The following GBE1 variants were observed in gnomAD, a reference collection of about 807,000 sequenced individuals.
The protein encoded by GBE1 is 1,4-alpha-glucan-branching enzyme.
Under a neutral mutation model 88.8 loss-of-function variants are expected in GBE1, and 70 were observed. The ratio of observed to expected loss-of-function variants is 0.79; its 90% confidence interval spans 0.65 to 0.96. The LOEUF is 0.96. Among genes scored for constraint, GBE1 ranks in the 40% least tolerant of loss-of-function variants. GBE1 has a pLI of 0.00. For missense variants in GBE1, 872 were observed against 871.0 expected (o/e 1.00, Z -0.01); for synonymous variants, 284 against 300.1 (o/e 0.95, Z 0.56).
In GBE1 at chr3:81,761,521, C is replaced by G; in HGVS notation, c.-4G>C. 1 of 1,603,206 alleles carries G rather than the reference C, an allele frequency of 6.2e-7. No individual in the cohort carries two copies. Among genetic ancestry groups the G allele is most frequent in the Non-Finnish European group, 8.5e-7 (1 of 1,176,528 alleles). ...CGGGAGTCATCGGAGCCGCCATATT[C>G]CGCCGCAGTCCAAGTAGCCGAGGCC... is the stretch of plus-strand genomic sequence containing the variant. On this transcript the variant is annotated 5_prime_UTR_variant, in exon 1 of 16. Transcript: ENST00000429644.
chr3:81,599,425 T>C (rs1026739305), intron 7 of GBE1, among the ~76,000 whole-genome samples: 1 of 151,864 alleles, frequency 6.6e-6, no homozygotes, highest in African/African-American at 2.4e-5. Context: ...AAAGAAAAAA[T>C]AACCCACTCT....
At chr3:81,670,779 G>A in intron 3 of GBE1, 59 bp downstream of exon 3, 1 of 889,280 alleles carries the variant, frequency 1.1e-6, no homozygotes, top group Non-Finnish European at 1.7e-6. Flanking sequence ...AATCAAACTT[G>A]GCAAACAAGA....
chr3:81,599,727 C>A (rs995310215), intron 7 of GBE1, among the ~76,000 whole-genome samples: 1 of 152,046 alleles, frequency 6.6e-6, no homozygotes, highest in South Asian at 2.1e-4. Context: ...TACACACACA[C>A]CCATGTTTTT....
chr3:81,677,320 G>T (rs2107124506), intron 2 of GBE1, among the ~76,000 whole-genome samples: 1 of 152,202 alleles, frequency 6.6e-6, no homozygotes, highest in South Asian at 2.1e-4. Flanking sequence ...ATATACAAAG[G>T]CTAATATAAA....
chr3:81,531,116 C>A (rs1033708203), intron 14 of GBE1, among the ~76,000 whole-genome samples: 5 of 151,654 alleles, frequency 3.3e-5, no homozygotes, highest in Admixed American at 2.6e-4. Flanking sequence ...CACCCCAAGG[C>A]CATGGCACCC....
intron 1 of GBE1, among the ~76,000 whole-genome samples, chr3:81,738,582 A>G (rs2107215720): frequency 6.6e-6 from 1 of 152,214 alleles, no homozygotes; most frequent in African/African-American, 2.4e-5. Context: ...ACTTAAAGCT[A>G]TTGTAATGAA....
At chr3:81,627,480 G>T (rs1430341859) in intron 7 of GBE1, among the ~76,000 whole-genome samples, 1 of 152,074 alleles carries the variant, frequency 6.6e-6, no homozygotes, top group Non-Finnish European at 1.5e-5. Flanking sequence ...TCACATGGAA[G>T]AGAACAAAGA....
chr3:81,624,992 A>T (rs1167102835), intron 7 of GBE1, among the ~76,000 whole-genome samples: 1 of 151,960 alleles, frequency 6.6e-6, no homozygotes, highest in East Asian at 1.9e-4. Context: ...CAGGGAAGAC[A>T]AAAGAGTAGG....
intron 2 of GBE1, among the ~76,000 whole-genome samples, chr3:81,688,205 C>T (rs1161801097): frequency 2.6e-5 from 4 of 152,182 alleles, no homozygotes. Context: ...GTGATAACTC[C>T]CTCTGAACTC....
At chr3:81,582,067 T>A (rs1380866814) in intron 10 of GBE1, among the ~76,000 whole-genome samples, 1 of 152,090 alleles carries the variant, frequency 6.6e-6, no homozygotes, top group Non-Finnish European at 1.5e-5. Context: ...ATTCTCTTCC[T>A]CTGTTTGTCC....
chr3:81,521,957 G>A (rs775181263), intron 14 of GBE1, among the ~76,000 whole-genome samples: 5 of 151,482 alleles, frequency 3.3e-5, no homozygotes, highest in Non-Finnish European at 7.4e-5. Context: ...GAATAAGAGA[G>A]CAGCATCAAA....
intron 7 of GBE1, among the ~76,000 whole-genome samples, chr3:81,620,665 G>C (rs530999248): frequency 6.6e-6 from 1 of 151,846 alleles, no homozygotes; most frequent in Non-Finnish European, 1.5e-5. Flanking sequence ...AAATGGGGAG[G>C]GTTTTTATTT....
intron 1 of GBE1, among the ~76,000 whole-genome samples, chr3:81,708,030 C>T (rs1394311654): frequency 6.6e-6 from 1 of 151,952 alleles, no homozygotes; most frequent in Non-Finnish European, 1.5e-5. Flanking sequence ...AAATGAAGTA[C>T]AGTTTTCCTA....
Position 81,662,625 on chromosome 3 carries a change from A to G in GBE1, c.429+8213T>C, listed in dbSNP as rs571970046. ...AAATTTTGCAATTTCCATACTATGC[A>G]TCACATCAATCATTTTGCCAAACAT... On this transcript the variant is annotated intron_variant, in intron 3 of 15. Coordinates refer to ENST00000429644, the MANE Select transcript of GBE1 (RefSeq NM_000158.4). Among the ~76,000 whole-genome samples, 364 of 151,774 alleles carry G rather than the reference A, an allele frequency of 2.4e-3. 5 individuals are homozygous for G. The highest frequency in any genetic ancestry group is 8.4e-3 in the African/African-American group (349 of 41,434).
chr3:81,617,905 AGG>A (rs1262601994), intron 7 of GBE1, among the ~76,000 whole-genome samples: 8 of 152,020 alleles, frequency 5.3e-5, no homozygotes, highest in Non-Finnish European at 8.8e-5. Flanking sequence ...TAATAGTTAC[AGG>A]GTAATTATAG....
chr3:81,518,034 A>G (rs1467028228), intron 14 of GBE1, among the ~76,000 whole-genome samples: 1 of 151,360 alleles, frequency 6.6e-6, no homozygotes, highest in East Asian at 1.9e-4. Flanking sequence ...ACAAACACAT[A>G]ATAGTATCTC....
At chr3:81,548,955 T>C (rs1703240532) in intron 12 of GBE1, among the ~76,000 whole-genome samples, 1 of 151,162 alleles carries the variant, frequency 6.6e-6, no homozygotes, top group Non-Finnish European at 1.5e-5. Flanking sequence ...AGTATACTCC[T>C]GTGAACAAAA....
At chr3:81,646,741 T>G (rs1039987940) in intron 5 of GBE1, among the ~76,000 whole-genome samples, 1 of 152,208 alleles carries the variant, frequency 6.6e-6, no homozygotes, top group Admixed American at 6.5e-5. Flanking sequence ...CAAATTTACT[T>G]AATTTGGTTT....
intron 7 of GBE1, among the ~76,000 whole-genome samples, chr3:81,629,654 G>A (rs1376621964): frequency 1.3e-5 from 2 of 152,084 alleles, no homozygotes; most frequent in Non-Finnish European, 2.9e-5. Context: ...GGGCTACTGA[G>A]CCCTGGAAAC....
Sources: allele counts gnomAD v4.1 joint callset (sites outside exome capture counted in the v4.1 genomes callset), GRCh38; gene constraint gnomAD v4.1.1; transcripts MANE v1.5; gene names NCBI Gene and HGNC (gene_info 2026-07-23, HGNC 2026-07-21).